The following SPATA18 variants were observed in gnomAD, a reference collection of about 807,000 sequenced individuals.
SPATA18 encodes spermatogenesis associated 18, also known as mitochondria-eating protein.
A neutral mutation model predicts 68.1 loss-of-function variants in SPATA18; 54 were observed. That is an observed-to-expected ratio of 0.79 (90% confidence interval 0.64 to 0.99). The LOEUF (loss-of-function observed/expected upper bound fraction) is 0.99, where lower values mean the gene tolerates loss of function less well. Ranked by LOEUF, SPATA18 falls within the 50% of genes least tolerant of loss-of-function variation. SPATA18 has a pLI of 0.00. For synonymous variants in SPATA18, 242 were observed against 244.8 expected (o/e 0.99, Z 0.11); for missense variants, 724 against 681.1 (o/e 1.06, Z -0.70).
chr4:52,056,580 G>C (rs966954320), intron 1 of SPATA18, among the ~76,000 whole-genome samples: 1 of 152,076 alleles, frequency 6.6e-6, no homozygotes, highest in South Asian at 2.1e-4. Flanking sequence ...CCCAAACTCA[G>C]GATCATCCCT....
intron 11 of SPATA18, among the ~76,000 whole-genome samples, chr4:52,090,274 G>A (rs185839067): frequency 7.2e-5 from 11 of 152,110 alleles, no homozygotes; most frequent in Admixed American, 2.0e-4. Flanking sequence ...CATTTAGTCC[G>A]TTTACATTTA....
chr4:52,067,537 G>C (rs918522725), intron 4 of SPATA18, among the ~76,000 whole-genome samples: 2 of 152,080 alleles, frequency 1.3e-5, no homozygotes, highest in Non-Finnish European at 2.9e-5. Flanking sequence ...GCTTTTGCCT[G>C]TGCTCTTCCA....
At position 52,072,079 on chromosome 4, in the gene SPATA18, C is replaced by T. The variant is rs79258516; in HGVS notation, c.681C>T (p.Ser227=). Residue 227 remains serine, a synonymous_variant, in exon 6 of 13, where the codon TCC becomes TCT. Coordinates refer to ENST00000295213, the MANE Select transcript of SPATA18 (RefSeq NM_145263.4). ...NADQQDTEAM[S]DYKKQLRNLK... is the part of the protein sequence containing the mutation. ...ACCAGCAGGACACAGAAGCCATGTC[C>T]GATTATAAGAAACAGCTCCGAAACC... 52,489 of 1,613,806 alleles carry T rather than the reference C, an allele frequency of 0.033. 1,026 individuals are homozygous for T. The highest frequency in any genetic ancestry group is 0.039 in the Non-Finnish European group (45,488 of 1,179,976).
At chr4:52,056,354 G>C (rs1293969535) in intron 1 of SPATA18, among the ~76,000 whole-genome samples, 1 of 152,190 alleles carries the variant, frequency 6.6e-6, no homozygotes, top group Non-Finnish European at 1.5e-5. Context: ...CTCCACCATT[G>C]TCTCTTCAAA....
At chr4:52,087,746 T>G (rs1228424140) in intron 11 of SPATA18, among the ~76,000 whole-genome samples, 2 of 152,098 alleles carry the variant, frequency 1.3e-5, no homozygotes, top group Non-Finnish European at 2.9e-5. Context: ...TTGTCTTGGC[T>G]AGGAGGGCTC....
At chr4:52,052,123 G>A (rs943565063) in intron 1 of SPATA18, among the ~76,000 whole-genome samples, 2 of 151,816 alleles carry the variant, frequency 1.3e-5, no homozygotes, top group Admixed American at 6.6e-5. Flanking sequence ...CGGCTGGTCT[G>A]GTCATGCCTG....
intron 5 of SPATA18, 91 bp downstream of exon 5, chr4:52,070,007 A>C (rs1226587661): frequency 8.7e-6 from 5 of 576,920 alleles, no homozygotes; most frequent in Non-Finnish European, 1.3e-5. Context: ...TCTGTTCACT[A>C]TCAGAGAGAA....
intron 5 of SPATA18, among the ~76,000 whole-genome samples, chr4:52,070,292 T>C (rs1245814103): frequency 1.3e-5 from 2 of 152,118 alleles, no homozygotes; most frequent in Non-Finnish European, 2.9e-5. Context: ...GAAAAAATAC[T>C]GCAGAAGTTA....
chr4:52,053,566 A>G (rs1578139707), intron 1 of SPATA18, among the ~76,000 whole-genome samples: 1 of 152,208 alleles, frequency 6.6e-6, no homozygotes, highest in African/African-American at 2.4e-5. Flanking sequence ...CCCATTGGAC[A>G]TCTTTCAATA....
chr4:52,065,231 C>G (rs1278539777), intron 4 of SPATA18, among the ~76,000 whole-genome samples: 1 of 151,978 alleles, frequency 6.6e-6, no homozygotes, highest in Non-Finnish European at 1.5e-5. Context: ...TCTGTTTACT[C>G]CGCTGAGCAG....
intron 2 of SPATA18, 125 bp from the exon 3 acceptor site, chr4:52,060,657 C>G (rs1157909123): frequency 2.6e-6 from 3 of 1,149,104 alleles, no homozygotes; most frequent in Non-Finnish European, 3.8e-6. Flanking sequence ...TGTGTATTCT[C>G]TCTTTTTTTT....
chr4:52,094,221 T>C (rs1007840680), intron 11 of SPATA18, among the ~76,000 whole-genome samples: 2 of 152,218 alleles, frequency 1.3e-5, no homozygotes, highest in Non-Finnish European at 2.9e-5. Flanking sequence ...TCCCAGATAT[T>C]GTATCATCAT....
At chr4:52,059,089 G>A (rs1350897075) in intron 1 of SPATA18, among the ~76,000 whole-genome samples, 2 of 152,158 alleles carry the variant, frequency 1.3e-5, no homozygotes, top group Non-Finnish European at 2.9e-5. Flanking sequence ...AGAATGCAGG[G>A]GTGGGAATAC....
chr4:52,069,700 T>G, intron 4 of SPATA18, 121 bp from the exon 5 acceptor site: 1 of 514,806 alleles, frequency 1.9e-6, no homozygotes, highest in Non-Finnish European at 3.2e-6. Context: ...TGTCTTTTAA[T>G]TTGATCTTGT....
rs142535607 is a variant in SPATA18 at position 52,067,977 on chromosome 4, A to G, written c.423-1844A>G. ...TTTAAATAGAACGTCAGCCTGATTA[A>G]AACAATTGTTAGCATATGGATGTAC... On this transcript the variant is annotated intron_variant, in intron 4 of 12. Coordinates refer to ENST00000295213, the MANE Select transcript of SPATA18 (RefSeq NM_145263.4). Among the ~76,000 whole-genome samples the G allele has an allele frequency of 9.7e-4, 148 of 152,338 alleles. 4 individuals carry two copies. The East Asian group carries it at 0.022, about 23-fold the overall frequency.
At chr4:52,072,596 C>T (rs1406345457) in intron 6 of SPATA18, among the ~76,000 whole-genome samples, 2 of 152,154 alleles carry the variant, frequency 1.3e-5, no homozygotes, top group South Asian at 2.1e-4. Context: ...AGTAGAGATG[C>T]GGGTTCACCA....
intron 4 of SPATA18, among the ~76,000 whole-genome samples, chr4:52,067,129 A>G (rs190169350): frequency 1.6e-3 from 249 of 152,240 alleles, no homozygotes; most frequent in Non-Finnish European, 2.5e-3. Flanking sequence ...AGTGTGAAAA[A>G]GTTCCTATTT....
intron 1 of SPATA18, among the ~76,000 whole-genome samples, chr4:52,055,234 A>C (rs929109135): frequency 6.6e-6 from 1 of 152,238 alleles, no homozygotes; most frequent in Non-Finnish European, 1.5e-5. Flanking sequence ...GCACAAAGCC[A>C]TTAGAATGTG....
chr4:52,083,886 G>T (rs1326991724), intron 10 of SPATA18, among the ~76,000 whole-genome samples: 1 of 151,742 alleles, frequency 6.6e-6, no homozygotes, highest in Admixed American at 6.6e-5. Flanking sequence ...GATTACAGGT[G>T]CATGCCACCA....
Sources: allele counts gnomAD v4.1 joint callset (sites outside exome capture counted in the v4.1 genomes callset), GRCh38; gene constraint gnomAD v4.1.1; transcripts MANE v1.5; gene names NCBI Gene and HGNC (gene_info 2026-07-23, HGNC 2026-07-21).